Variants in CLN3 observed in about 807,000 individuals in gnomAD.
The protein encoded by CLN3 is battenin.
Under a neutral mutation model 60.7 loss-of-function variants are expected in CLN3, and 49 were observed. The ratio of observed to expected loss-of-function variants is 0.81; its 90% CI spans 0.64 to 1.02. CLN3 has a LOEUF of 1.02. Among genes scored for constraint, CLN3 ranks in the 50% least tolerant of loss-of-function variants. The pLI, the probability that CLN3 is intolerant of heterozygous loss-of-function variation, is 0.00. For synonymous variants in CLN3, 256 were observed against 245.8 expected (o/e 1.04, Z -0.39); for missense variants, 516 against 557.4 (o/e 0.93, Z 0.75).
At chr16:28,470,731 AG>A, downstream of CLN3, among the ~76,000 whole-genome samples, 1 of 150,670 alleles carries the variant, frequency 6.6e-6, no homozygotes, top group South Asian at 2.1e-4. Context: ...AGAAGAAGAA[AG>A]GGGTCTGGGA....
chr16:28,491,821 G>A lies in CLN3; in HGVS notation c.-62C>T. 2 of 1,594,504 alleles carry A rather than the reference G, an allele frequency of 1.3e-6. No individual in the cohort carries two copies. The highest frequency in any genetic ancestry group is 8.6e-7 in the Non-Finnish European group (1 of 1,169,356). On this transcript the variant is annotated 5_prime_UTR_variant, in exon 2 of 16. Transcript: ENST00000636147. ...TAGAGTGTCCAAAGGGGGCTCCCAC[G>A]GGAGGGATGAGGGTCTGCGACAGGT...
intron 7 of CLN3, 124 bp downstream of exon 7, chr16:28,487,332 C>T: frequency 1.2e-6 from 1 of 817,096 alleles, no homozygotes; most frequent in Non-Finnish European, 2.1e-6. Context: ...GCTGATAGCC[C>T]TAGCAGGCTT....
At chr16:28,484,926 G>A (rs2046178197) in intron 9 of CLN3, 1 of 151,034 alleles carries the variant, frequency 6.6e-6, no homozygotes, top group African/African-American at 2.4e-5. Context: ...AGGGCCAGGT[G>A]TGTCTGGCTA....
In CLN3 at chr16:28,489,307, A is replaced by T. The variant is rs748458737; in HGVS notation, c.205T>A (p.Ser69Thr). Residue 69 changes from serine to threonine, a missense_variant, in exon 4 of 16, where the codon TCG (serine) becomes ACG (threonine). Ser to Thr is a moderately conservative substitution (Grantham distance 58). Transcript: ENST00000636147. ...TCACTTACATGGCTCTGGTTTCCCGATGTCCTCTTGTGGCTAAGGATGTCG... is the reference window on the plus strand; with the variant it reads ...TCACTTACATGGCTCTGGTTTCCCGTTGTCCTCTTGTGGCTAAGGATGTCG... ...AHDILSHKRT[S>T]GNQSHVDPGP... 1 of 1,612,988 alleles carries T rather than the reference A, an allele frequency of 6.2e-7. No homozygotes were observed. The highest frequency in any genetic ancestry group is 2.2e-5 in the East Asian group (1 of 44,880).
Position 28,488,602 on chromosome 16 carries a change from C to G in CLN3, c.283G>C (p.Val95Leu), listed in dbSNP as rs763659524. ...NSSSRFDCNS[V>L]STAAVLLADI... Reference sequence around the variant, plus strand: ...AGATGAGTACGCACAGCCGTAGAGACAGAGTTGCAGTCAAATCGTGATGAG... The same window carrying G: ...AGATGAGTACGCACAGCCGTAGAGAGAGAGTTGCAGTCAAATCGTGATGAG... The change falls in exon 5 of 16, where the codon GTC (valine) becomes CTC (leucine). Residue 95 changes from valine (V) to leucine (L), a missense_variant. Val to Leu is a conservative substitution (Grantham distance 32). Transcript: ENST00000636147. 6.2e-7 allele frequency: 1 copy of G among 1,614,156 alleles called. No individual in the cohort carries two copies. Among genetic ancestry groups the G allele is most frequent in the Non-Finnish European group, 8.5e-7 (1 of 1,180,024 alleles).
downstream of CLN3, chr16:28,470,568 A>C (rs1297885815): frequency 9.6e-5 from 7 of 72,762 alleles, no homozygotes; most frequent in East Asian, 2.5e-3. Flanking sequence ...GGGGGAGGGG[A>C]AGGGGAGGGG....
rs2046023972 is a variant in CLN3, at chr16:28,477,890, G to A, written c.1057-13C>T. 2 of 1,613,244 alleles carry A rather than the reference G, an allele frequency of 1.2e-6. No homozygotes were observed. The highest frequency in any genetic ancestry group is 1.7e-6 in the Non-Finnish European group (2 of 1,179,956). On this transcript the variant is annotated splice_polypyrimidine_tract_variant and intron_variant, in intron 14 of 15. Coordinates refer to ENST00000636147, the MANE Select transcript of CLN3 (RefSeq NM_001042432.2). ...CCAGGTTGAGGCACTGTGAACAGGG[G>A]GAGAGGCTAAGCCTGGGACCAGGGC...
At chr16:28,476,312 A>G (rs1327810323), downstream of CLN3, 2 of 151,892 alleles carry the variant, frequency 1.3e-5, no homozygotes, top group Non-Finnish European at 2.9e-5. Context: ...TTGGGAGGCC[A>G]AGGCAGGACT....
rs1268618515 is a variant in CLN3, at chr16:28,489,287, T to C, written c.222+3A>G. On this transcript the variant is annotated splice_donor_region_variant and intron_variant, in intron 4 of 15. Transcript: ENST00000636147. ...ATGGTGGTGGTGGTAGAGAGTCACT[T>C]ACATGGCTCTGGTTTCCCGATGTCC... The C allele has an allele frequency of 6.2e-7, 1 of 1,609,842 alleles. No homozygotes were observed. The highest frequency in any genetic ancestry group is 8.5e-7 in the Non-Finnish European group (1 of 1,177,210).
rs1417968309 is a variant in CLN3, at chr16:28,487,099, C to T, written c.460+357G>A. ...CTAATTTTTGTATTTTTGGTAGAGA[C>T]GGGGTTTCTCCATGTTGGCCAGGCT... On this transcript the variant is annotated intron_variant, in intron 7 of 15. Transcript: ENST00000636147. 8 of 381,472 alleles carry T rather than the reference C, an allele frequency of 2.1e-5. No individual in the cohort carries two copies. In the East Asian group the frequency reaches 4.3e-4, roughly 20 times the overall value. The allele number at this position is 381,472 out of a possible 1,614,324, so 23.6% of individuals were successfully genotyped here. A position where few individuals can be genotyped will look rare whatever the true frequency, so the allele number is the denominator to read the frequency against.
At chr16:28,473,539 T>C (rs1465053013), downstream of CLN3, among the ~76,000 whole-genome samples, 1 of 152,162 alleles carries the variant, frequency 6.6e-6, no homozygotes. Context: ...CCCACTTAGA[T>C]ATGTTACCAG....
intron 10 of CLN3, 52 bp from the exon 11 acceptor site, chr16:28,482,724 C>G: frequency 6.3e-7 from 1 of 1,590,654 alleles, no homozygotes. Context: ...ACTGAAGACT[C>G]GGCAAAGAGG....
At chr16:28,484,292 A>G in intron 9 of CLN3, 174 bp from the exon 10 acceptor site, 3 of 639,456 alleles carry the variant, frequency 4.7e-6, no homozygotes, top group Non-Finnish European at 8.4e-6. Flanking sequence ...TTGTGGACAA[A>G]GGCTTCTTTC....
At chr16:28,491,863 C>T in intron 1 of CLN3, 28 bp from the exon 2 acceptor site, 1 of 1,427,062 alleles carries the variant, frequency 7.0e-7, no homozygotes, top group Non-Finnish European at 9.6e-7. Flanking sequence ...GATCAACGCC[C>T]GATTGCCGGT....
intron 9 of CLN3, chr16:28,484,830 C>G (rs2046176445): frequency 6.6e-6 from 1 of 152,112 alleles, no homozygotes; most frequent in South Asian, 2.1e-4. Context: ...CATATTCCTC[C>G]TGTATATATA....
chr16:28,482,476 C>T lies in CLN3; in HGVS notation c.906+1G>A. Reference sequence around the variant, plus strand: ...CACCCCTCCTAGCACCCCTCACTTACAAGTCCCTGGTTAATGAAATACTCG... The same window carrying T: ...CACCCCTCCTAGCACCCCTCACTTATAAGTCCCTGGTTAATGAAATACTCG... On this transcript the variant is annotated splice_donor_variant, in intron 12 of 15. Transcript: ENST00000636147. LOFTEE classifies it high-confidence loss of function. 1 of 1,614,184 alleles carries T rather than the reference C, an allele frequency of 6.2e-7. No individual in the cohort carries two copies. The highest frequency in any genetic ancestry group is 8.5e-7 in the Non-Finnish European group (1 of 1,180,026).
intron 3 of CLN3, among the ~76,000 whole-genome samples, chr16:28,491,233 G>T (rs1352324950): frequency 6.6e-6 from 1 of 152,036 alleles, no homozygotes; most frequent in Non-Finnish European, 1.5e-5. Context: ...AAACGTTAAG[G>T]CTGAATTGGC....
In CLN3 at chr16:28,488,344, T is replaced by A. The variant is rs571039146; in HGVS notation, c.294+247A>T. On this transcript the variant is annotated intron_variant, in intron 5 of 15. Coordinates refer to ENST00000636147, the MANE Select transcript of CLN3 (RefSeq NM_001042432.2). ...AATTATTTTATATATATATATTTTT[T>A]AATTTTTTTCTTTAAGATGGGGGTC... is the stretch of plus-strand genomic sequence containing the variant. 6.1e-5 allele frequency: 14 copies of A among 230,932 alleles called. 1 individual carries two copies. Among genetic ancestry groups the A allele is most frequent in the South Asian group, 3.2e-4 (2 of 6,156 alleles). The allele number at this position is 230,932 out of a possible 1,614,324, so 14.3% of individuals were successfully genotyped here. A position where few individuals can be genotyped will look rare whatever the true frequency, so the allele number is the denominator to read the frequency against.
At chr16:28,473,597 A>T (rs891489765), downstream of CLN3, among the ~76,000 whole-genome samples, 1 of 152,230 alleles carries the variant, frequency 6.6e-6, no homozygotes, top group Non-Finnish European at 1.5e-5. Flanking sequence ...CTTCATCAAA[A>T]TAAGTGTCTT....
Sources: gnomAD v4.1 joint callset for allele counts (sites outside exome capture counted in the v4.1 genomes callset) on GRCh38, gnomAD v4.1.1 for gene constraint, MANE v1.5 for transcripts, NCBI Gene and HGNC (gene_info 2026-07-23, HGNC 2026-07-21) for gene names.